The following RWDD2B variants were observed in gnomAD, a reference collection of about 807,000 sequenced individuals.
RWDD2B encodes the protein RWD domain containing 2B.
Under a neutral mutation model 33.6 loss-of-function variants are expected in RWDD2B, and 36 were observed. That is an observed-to-expected ratio of 1.07 (90% confidence interval 0.82 to 1.42). The LOEUF (loss-of-function observed/expected upper bound fraction) is 1.42. Ranked by LOEUF, RWDD2B falls within the 40% of genes most tolerant of loss-of-function variation. The pLI is 0.00. For missense variants in RWDD2B, 364 were observed against 377.5 expected (o/e 0.96, Z 0.30); for synonymous variants, 126 against 133.1 (o/e 0.95, Z 0.37).
intron 1 of RWDD2B, among the ~76,000 whole-genome samples, chr21:29,010,852 T>C (rs2084854296): frequency 6.6e-6 from 1 of 152,026 alleles, no homozygotes; most frequent in African/African-American, 2.4e-5. Context: ...ATTTTTTTGG[T>C]GGAGACGGGG....
chr21:29,018,521 A>G (rs2084900561), intron 1 of RWDD2B, among the ~76,000 whole-genome samples: 1 of 152,226 alleles, frequency 6.6e-6, no homozygotes, highest in Admixed American at 6.5e-5. Flanking sequence ...GGAGGTATCG[A>G]AGATGAAATG....
rs779116184 is a variant in RWDD2B, at chr21:29,019,314, C to A, written c.-37G>T. On this transcript the variant is annotated 5_prime_UTR_variant, in exon 1 of 5. Transcript: ENST00000493196. ...CTCAAAATTCTAGCATACTGCGACC[C>A]AAAACTTACAAACCGCCTCAGCTGG... 2.2e-5 allele frequency: 32 copies of A among 1,480,672 alleles called. 1 individual carries two copies. In the South Asian group the frequency reaches 3.8e-4, roughly 18 times the overall value. The allele number at this position is 1,480,672 out of a possible 1,614,324, so 91.7% of individuals were successfully genotyped here.
chr21:29,006,268 T>C lies in RWDD2B; in HGVS notation c.*149A>G. 3.8e-6 allele frequency: 2 copies of C among 527,764 alleles called. No homozygotes were observed. The highest frequency in any genetic ancestry group is 9.9e-4 in the Middle Eastern group (2 of 2,028). 32.7% of individuals were successfully genotyped at this position (527,764 alleles called of 1,614,324 possible). On this transcript the variant is annotated 3_prime_UTR_variant, in exon 5 of 5. Coordinates refer to ENST00000493196, the MANE Select transcript of RWDD2B (RefSeq NM_016940.3). ...TTTCAATCATGACATTTTTAACAGA[T>C]GCATTTCAGCTATACTATTTTTTCT...
intron 1 of RWDD2B, among the ~76,000 whole-genome samples, chr21:29,015,229 T>TTG (rs2146340579): frequency 7.2e-6 from 1 of 138,472 alleles, no homozygotes; most frequent in Non-Finnish European, 1.6e-5. Context: ...GATGCGTTTT[T>TTG]TTTTTTTTTT....
At chr21:29,019,084 TG>T in intron 1 of RWDD2B, 126 bp downstream of exon 1, 2 of 733,174 alleles carry the variant, frequency 2.7e-6, no homozygotes, top group Non-Finnish European at 2.2e-6. Flanking sequence ...AGCCGACCGA[TG>T]GGCGCATGCA....
Position 29,006,493 on chromosome 21 carries a change from C to G in RWDD2B, c.884G>C (p.Gly295Ala). 6 of 1,614,118 alleles carry G rather than the reference C, an allele frequency of 3.7e-6. No individual in the cohort carries two copies. The highest frequency in any genetic ancestry group is 4.2e-6 in the Non-Finnish European group (5 of 1,180,004). Residue 295 changes from glycine (G) to alanine (A), a missense_variant, in exon 5 of 5, where the codon GGT (glycine) becomes GCT (alanine). By Grantham distance (60) the Gly-to-Ala change is moderately conservative. Coordinates refer to ENST00000493196, the MANE Select transcript of RWDD2B (RefSeq NM_016940.3). ...NGARGNHMDF[G>A]QLYQFLNTKG... is the part of the protein sequence containing the mutation. Reference sequence around the variant, plus strand: ...GGTGTTTAAGAACTGATAGAGCTGACCAAAGTCCATGTGGTTTCCCCTGGC... The same window carrying G: ...GGTGTTTAAGAACTGATAGAGCTGAGCAAAGTCCATGTGGTTTCCCCTGGC...
rs141180081 is a variant in RWDD2B, at chr21:29,007,862, C to A, written c.624G>T (p.Glu208Asp). 570 of 1,614,234 alleles carry A rather than the reference C, an allele frequency of 3.5e-4. 3 individuals are homozygous for A. The African/African-American group carries it at 7.1e-3, about 20-fold the overall frequency. ...CAGACAGGGAAAGCTCCTTTGCCCA[C>A]TCTAGAATATTCTTTCTTTTGCATT... ...YNKCKRKNIL[E>D]WAKELSLSGF... Residue 208 changes from glutamate to aspartate, a missense_variant, in exon 4 of 5, where the codon GAG (glutamate) becomes GAT (aspartate). By Grantham distance (45) the Glu-to-Asp change is conservative. Coordinates refer to ENST00000493196, the MANE Select transcript of RWDD2B (RefSeq NM_016940.3).
rs752617931 is a variant in RWDD2B at position 29,008,599 on chromosome 21, C to G, written c.90G>C (p.Met30Ile). ...TAQETYTCPKMIEMEQAEAQL... is the reference protein window; with the variant it reads ...TAQETYTCPKIIEMEQAEAQL... ...GGGCCTCCGCCTGCTCCATCTCAAT[C>G]ATTTTTGGACATGTGTAAGTTTCTA... Residue 30 changes from methionine to isoleucine, a missense_variant, in exon 2 of 5, where the codon ATG becomes ATC. Coordinates refer to ENST00000493196, the MANE Select transcript of RWDD2B (RefSeq NM_016940.3). 1.2e-6 allele frequency: 2 copies of G among 1,613,068 alleles called. No homozygotes were observed. The highest frequency in any genetic ancestry group is 3.3e-5 in the Admixed American group (2 of 59,934).
chr21:29,007,316 T>G (rs1000890847), intron 4 of RWDD2B, among the ~76,000 whole-genome samples: 3 of 152,358 alleles, frequency 2.0e-5, no homozygotes, highest in East Asian at 3.9e-4. Flanking sequence ...CTACATGTGA[T>G]TTCTGCCATA....
intron 1 of RWDD2B, among the ~76,000 whole-genome samples, chr21:29,014,315 T>C (rs946290754): frequency 3.3e-5 from 5 of 152,224 alleles, no homozygotes; most frequent in Non-Finnish European, 7.3e-5. Context: ...CCCTGTTCTT[T>C]GGGAACTTTT....
Position 29,019,345 on chromosome 21 carries a change from T to C in RWDD2B, c.-68A>G. The C allele has an allele frequency of 9.3e-7, 1 of 1,072,184 alleles. No homozygotes were observed. Among genetic ancestry groups the C allele is most frequent in the Non-Finnish European group, 1.3e-6 (1 of 786,826 alleles). The allele number at this position is 1,072,184 out of a possible 1,614,324, so 66.4% of individuals were successfully genotyped here. A position where few individuals can be genotyped will look rare whatever the true frequency, so the allele number is the denominator to read the frequency against. ...TTACAAACCGCCTCAGCTGGCGACCTACCGGAAAAAAAAAAAAAAAGCATG... is the reference window on the plus strand; with the variant it reads ...TTACAAACCGCCTCAGCTGGCGACCCACCGGAAAAAAAAAAAAAAAGCATG... On this transcript the variant is annotated 5_prime_UTR_variant, in exon 1 of 5. Coordinates refer to ENST00000493196, the MANE Select transcript of RWDD2B (RefSeq NM_016940.3).
intron 4 of RWDD2B, 66 bp from the exon 5 acceptor site, chr21:29,006,717 T>G (rs1283133688): frequency 2.2e-6 from 2 of 923,006 alleles, no homozygotes; most frequent in Admixed American, 5.6e-5. Flanking sequence ...AAACAGAAGT[T>G]ATAAAACAGA....
In RWDD2B at chr21:29,005,181, A is replaced by G. The variant is rs891105232; in HGVS notation, c.*1236T>C. 2.0e-5 allele frequency: 3 copies of G among 152,232 alleles called. No homozygotes were observed. Among genetic ancestry groups the G allele is most frequent in the African/African-American group, 7.2e-5 (3 of 41,464 alleles). The allele number at this position is 152,232 out of a possible 1,614,324, so 9.4% of individuals were successfully genotyped here. A position where few individuals can be genotyped will look rare whatever the true frequency, so the allele number is the denominator to read the frequency against. Reference sequence around the variant, plus strand: ...TCCAGAACAAAAAATGTCAGAATACAATTTGCCAAACAAATTTTCTAAATT... The same window carrying G: ...TCCAGAACAAAAAATGTCAGAATACGATTTGCCAAACAAATTTTCTAAATT... On this transcript the variant is annotated 3_prime_UTR_variant, in exon 5 of 5. Coordinates refer to ENST00000493196, the MANE Select transcript of RWDD2B (RefSeq NM_016940.3).
intron 1 of RWDD2B, among the ~76,000 whole-genome samples, chr21:29,014,188 G>A (rs1262956133): frequency 1.3e-5 from 2 of 152,186 alleles, no homozygotes; most frequent in Admixed American, 6.5e-5. Context: ...GAGGGCAAGA[G>A]AGAATGAGAG....
chr21:29,008,557 G>T lies in RWDD2B; in HGVS notation c.132C>A (p.Asp44Glu), dbSNP rs748658857. Residue 44 changes from aspartate (D) to glutamate (E), a missense_variant, in exon 2 of 5, where the codon GAC becomes GAA. By Grantham distance (45) the Asp-to-Glu change is conservative. Transcript: ENST00000493196. ...EQAEAQLAEL[D>E]LLASMFPGEN... ...CACCAGGGAACATACTGGCTAGCAG[G>T]TCTAACTCAGCAAGCTGGGCCTCCG... 1 of 1,614,050 alleles carries T rather than the reference G, an allele frequency of 6.2e-7. No individual in the cohort carries two copies.
rs2084840234 is a variant in RWDD2B, at chr21:29,008,435, A to C, written c.254T>G (p.Phe85Cys). Residue 85 changes from phenylalanine (F) to cysteine (C), a missense_variant, in exon 2 of 5, where the codon TTT becomes TGT. Physicochemically the swap from Phe to Cys is radical, Grantham distance 205. Transcript: ENST00000493196. ...TACATCCAGGTTCATATTGATAGTA[A>C]AGTAGACTTTTGAAGATCGCCCCTC... ...TMEGRSSKVYFTINMNLDVSD... is the reference protein window; with the variant it reads ...TMEGRSSKVYCTINMNLDVSD... The C allele has an allele frequency of 6.2e-7, 1 of 1,614,208 alleles. No individual in the cohort carries two copies.
chr21:29,012,336 G>A (rs1282303053), intron 1 of RWDD2B, among the ~76,000 whole-genome samples: 1 of 152,184 alleles, frequency 6.6e-6, no homozygotes, highest in African/African-American at 2.4e-5. Flanking sequence ...AGAAAGGGGG[G>A]AAAGGTGGGG....
intron 1 of RWDD2B, among the ~76,000 whole-genome samples, chr21:29,017,476 G>A (rs2084895979): frequency 6.6e-6 from 1 of 151,960 alleles, no homozygotes. Flanking sequence ...GCCAGGTGTG[G>A]TCGCCCACGC....
intron 1 of RWDD2B, among the ~76,000 whole-genome samples, chr21:29,016,480 T>A (rs1257810575): frequency 6.6e-6 from 1 of 152,118 alleles, no homozygotes; most frequent in African/African-American, 2.4e-5. Context: ...GTTGGGCTAG[T>A]CTCAAACTCC....
Sources: allele counts gnomAD v4.1 joint callset (sites outside exome capture counted in the v4.1 genomes callset), GRCh38; gene constraint gnomAD v4.1.1; transcripts MANE v1.5; gene names NCBI Gene and HGNC (gene_info 2026-07-23, HGNC 2026-07-21).